The following LTN1 variants were observed in gnomAD, a reference collection of about 807,000 sequenced individuals.
LTN1 encodes the protein E3 ubiquitin-protein ligase listerin.
Under a neutral mutation model 201.2 loss-of-function variants are expected in LTN1, and 88 were observed. The observed-to-expected ratio is 0.44, with a 90% CI of 0.37 to 0.52. The LOEUF is 0.52. LTN1 is among the 20% of genes least tolerant of loss of function. The pLI is 0.00. For missense variants in LTN1, 1,752 were observed against 2,038.7 expected, an observed-to-expected ratio of 0.86 and a Z score of 2.71; for synonymous variants, 645 against 713.5, an observed-to-expected ratio of 0.90 and a Z score of 1.53.
At chr21:28,981,774 T>A (rs2084660402) in intron 5 of LTN1, among the ~76,000 whole-genome samples, 1 of 152,234 alleles carries the variant, frequency 6.6e-6, no homozygotes, top group African/African-American at 2.4e-5. Context: ...TATAAAAACA[T>A]CTCTTTCTAA....
At chr21:28,973,642 T>G (rs970962943) in intron 6 of LTN1, among the ~76,000 whole-genome samples, 3 of 152,164 alleles carry the variant, frequency 2.0e-5, no homozygotes, top group African/African-American at 7.2e-5. Flanking sequence ...AATTTTGCTT[T>G]GCTTAGAAAT....
intron 19 of LTN1, among the ~76,000 whole-genome samples, chr21:28,946,958 A>T (rs2084342571): frequency 6.6e-6 from 1 of 152,194 alleles, no homozygotes; most frequent in Non-Finnish European, 1.5e-5. Context: ...ATTGCCACTA[A>T]CACCCTCAAA....
chr21:28,979,818 A>T (rs1008176910), intron 6 of LTN1, among the ~76,000 whole-genome samples: 9 of 152,084 alleles, frequency 5.9e-5, no homozygotes, highest in Non-Finnish European at 1.2e-4. Flanking sequence ...AAAAATATTT[A>T]AAAATCAGCC....
chr21:28,962,343 TACA>T (rs902419696), intron 11 of LTN1, among the ~76,000 whole-genome samples: 15 of 152,356 alleles, frequency 9.8e-5, no homozygotes, highest in African/African-American at 3.6e-4. Context: ...GGCACCATTT[TACA>T]ACAATATATG....
Position 28,959,602 on chromosome 21 carries a change from C to A in LTN1, c.2449G>T (p.Asp817Tyr). The A allele has an allele frequency of 1.2e-6, 2 of 1,613,972 alleles. No individual in the cohort carries two copies. The highest frequency in any genetic ancestry group is 2.2e-5 in the South Asian group (2 of 91,064). The change falls in exon 13 of 30, where the codon GAC (aspartate) becomes TAC (tyrosine). Residue 817 changes from aspartate (D) to tyrosine (Y), a missense_variant. Physicochemically the swap from Asp to Tyr is radical, Grantham distance 160. Coordinates refer to ENST00000361371, the MANE Select transcript of LTN1 (RefSeq NM_015565.3). ...TKKLSEAESS[D>Y]SSVSFICDVA... Reference sequence around the variant, plus strand: ...TCACAGATAAAAGACACTGATGAGTCACTGCTTTCAGCTTCTGATAATTTC... The same window carrying A: ...TCACAGATAAAAGACACTGATGAGTAACTGCTTTCAGCTTCTGATAATTTC...
chr21:28,972,684 T>A (rs548786683), intron 6 of LTN1, among the ~76,000 whole-genome samples: 191 of 152,222 alleles, frequency 1.3e-3, no homozygotes, highest in Non-Finnish European at 1.9e-3. Flanking sequence ...ACATAGGGGA[T>A]AAAGTGAGGC....
At chr21:28,932,219 T>A (rs182989849) in intron 28 of LTN1, among the ~76,000 whole-genome samples, 54 of 152,286 alleles carry the variant, frequency 3.5e-4, no homozygotes, top group African/African-American at 1.3e-3. Context: ...ACAATTTTGT[T>A]AATACACCTT....
At chr21:28,987,415 G>T (rs2084706630) in intron 1 of LTN1, among the ~76,000 whole-genome samples, 1 of 152,072 alleles carries the variant, frequency 6.6e-6, no homozygotes, top group South Asian at 2.1e-4. Context: ...CCCATTAAAT[G>T]AACAAATATT....
intron 10 of LTN1, 31 bp from the exon 11 acceptor site, chr21:28,965,937 T>G (rs1249520511): frequency 7.0e-7 from 1 of 1,436,798 alleles, no homozygotes; most frequent in Non-Finnish European, 9.5e-7. Flanking sequence ...AGAAACAATC[T>G]GCTAGAACAA....
intron 4 of LTN1, among the ~76,000 whole-genome samples, chr21:28,983,229 A>T (rs1180285748): frequency 1.3e-5 from 2 of 152,266 alleles, no homozygotes; most frequent in Non-Finnish European, 2.9e-5. Context: ...AAAATGGAAG[A>T]AATAACCCAA....
intron 1 of LTN1, among the ~76,000 whole-genome samples, chr21:28,987,208 T>C (rs958907901): frequency 6.6e-6 from 1 of 152,204 alleles, no homozygotes; most frequent in African/African-American, 2.4e-5. Context: ...ATGATATCAA[T>C]ATAATGGACC....
chr21:28,973,102 C>A (rs775247887), intron 6 of LTN1, among the ~76,000 whole-genome samples: 4 of 152,028 alleles, frequency 2.6e-5, no homozygotes, highest in Non-Finnish European at 4.4e-5. Flanking sequence ...AATCCCAGAA[C>A]TTTGGGAGGC....
At chr21:28,966,193 C>T (rs1188385657) in intron 10 of LTN1, among the ~76,000 whole-genome samples, 177 bp downstream of exon 10, 3 of 152,072 alleles carry the variant, frequency 2.0e-5, no homozygotes, top group Non-Finnish European at 2.9e-5. Context: ...TATTTGTCAC[C>T]CTGGTACTGC....
intron 26 of LTN1, among the ~76,000 whole-genome samples, chr21:28,935,861 G>GA (rs1338669804): frequency 2.7e-5 from 4 of 146,870 alleles, no homozygotes; most frequent in Non-Finnish European, 6.0e-5. Context: ...AAAAAAAAGT[G>GA]AAAATCCCAA....
At chr21:28,962,351 T>C (rs2084485919) in intron 11 of LTN1, among the ~76,000 whole-genome samples, 1 of 152,216 alleles carries the variant, frequency 6.6e-6, no homozygotes, top group Non-Finnish European at 1.5e-5. Context: ...TTTACAACAA[T>C]ATATGCTCAT....
Position 28,967,133 on chromosome 21 carries a change from T to G in LTN1, c.1358A>C (p.His453Pro). The change falls in exon 10 of 30, where the codon CAT becomes CCT. Residue 453 changes from histidine to proline, a missense_variant. Transcript: ENST00000361371. ...DAVLKDPGLQ[H>P]GQLFNHLAET... ...TGCTAAATGGTTAAATAGCTGCCCA[T>G]GTTGCAATCCTGGGTCTTTGAGAAC... The G allele has an allele frequency of 1.2e-6, 2 of 1,614,048 alleles. No homozygotes were observed. Among genetic ancestry groups the G allele is most frequent in the Non-Finnish European group, 1.7e-6 (2 of 1,179,994 alleles).
intron 29 of LTN1, 124 bp from the exon 30 acceptor site, chr21:28,930,634 A>C: frequency 1.7e-6 from 1 of 576,010 alleles, no homozygotes; most frequent in Non-Finnish European, 2.9e-6. Flanking sequence ...AGAACAATAA[A>C]ATTTTTGCTC....
At chr21:28,974,385 A>G (rs932621593) in intron 6 of LTN1, among the ~76,000 whole-genome samples, 2 of 152,220 alleles carry the variant, frequency 1.3e-5, no homozygotes, top group African/African-American at 2.4e-5. Context: ...AGAGCCCAAT[A>G]TATCAGTCCT....
At position 28,982,306 on chromosome 21, in the gene LTN1, T is replaced by C. The variant is rs1203777596; in HGVS notation, c.629+10A>G. On this transcript the variant is annotated intron_variant, in intron 5 of 29. Coordinates refer to ENST00000361371, the MANE Select transcript of LTN1 (RefSeq NM_015565.3). Reference sequence around the variant, plus strand: ...CTTAACATGAGTTACAATGAAACAATACAACTTACTGCGGGTCACTGAGTG... The same window carrying C: ...CTTAACATGAGTTACAATGAAACAACACAACTTACTGCGGGTCACTGAGTG... The C allele has an allele frequency of 1.2e-6, 2 of 1,607,556 alleles. No individual in the cohort carries two copies. Among genetic ancestry groups the C allele is most frequent in the Non-Finnish European group, 1.7e-6 (2 of 1,174,174 alleles).
Sources: allele counts gnomAD v4.1 joint callset (sites outside exome capture counted in the v4.1 genomes callset), GRCh38; gene constraint gnomAD v4.1.1; transcripts MANE v1.5; gene names NCBI Gene and HGNC (gene_info 2026-07-23, HGNC 2026-07-21).